GCSH: variants seen among roughly 807,000 people sequenced by gnomAD.
GCSH encodes glycine cleavage system protein H, also known as glycine cleavage system H protein, mitochondrial.
A neutral mutation model predicts 21.3 loss-of-function variants in GCSH; 15 were observed. The observed-to-expected ratio is 0.70, with a 90% CI of 0.47 to 1.08. The LOEUF (loss-of-function observed/expected upper bound fraction) is 1.08, where lower values mean the gene tolerates loss of function less well. Among genes scored for constraint, GCSH ranks in the 50% least tolerant of loss-of-function variants. The pLI, the probability that GCSH is intolerant of heterozygous loss-of-function variation, is 0.00. For missense variants in GCSH, 179 were observed against 217.5 expected, an observed-to-expected ratio of 0.82 and a Z score of 1.11; for synonymous variants, 59 against 84.5, an observed-to-expected ratio of 0.70 and a Z score of 1.66.
At chr16:81,092,967 A>C (rs1262649138) in intron 1 of GCSH, among the ~76,000 whole-genome samples, 48 of 152,008 alleles carry the variant, frequency 3.2e-4, no homozygotes. Flanking sequence ...CCAAGTCCCT[A>C]CTAAAAATAC....
intron 2 of GCSH, among the ~76,000 whole-genome samples, chr16:81,088,485 G>A (rs140808289): frequency 0.035 from 5,276 of 152,094 alleles, 236 homozygotes; most frequent in African/African-American, 0.11. Flanking sequence ...TGCAACCTCT[G>A]CCTCCCAGGT....
chr16:81,095,631 C>CTCGGCCTCCCAAAGT (rs1972489797), intron 1 of GCSH, among the ~76,000 whole-genome samples: 1 of 152,156 alleles, frequency 6.6e-6, no homozygotes, highest in Non-Finnish European at 1.5e-5. Context: ...ATCCGCCCTC[C>CTCGGCCTCCCAAAGT]GGCATGAGCC....
In GCSH at chr16:81,088,571, T is replaced by A. The variant is rs576747130; in HGVS notation, c.229-907A>T. ...CCACCACCATGCCTGGTTAATTTTT[T>A]AAAATTTTTTGCTAGAGATGCAGTT... On this transcript the variant is annotated intron_variant, in intron 2 of 4. Transcript: ENST00000315467. Among the ~76,000 whole-genome samples the A allele has an allele frequency of 5.3e-5, 8 of 152,276 alleles. No homozygotes were observed. The South Asian group carries it at 8.3e-4, about 16-fold the overall frequency.
intron 2 of GCSH, 33 bp downstream of exon 2, chr16:81,090,568 C>T (rs1972378022): frequency 7.3e-7 from 1 of 1,374,512 alleles, no homozygotes; most frequent in South Asian, 1.2e-5. Context: ...TGCAAGAGCA[C>T]ACTGGGACAA....
At chr16:81,085,207 G>C (rs908524741) in intron 3 of GCSH, among the ~76,000 whole-genome samples, 1 of 151,518 alleles carries the variant, frequency 6.6e-6, no homozygotes, top group Non-Finnish European at 1.5e-5. Context: ...TAGAGACAGC[G>C]TTTCACTGTG....
At chr16:81,084,152 G>A in intron 4 of GCSH, 1 of 465,530 alleles carries the variant, frequency 2.1e-6, no homozygotes, top group Non-Finnish European at 3.8e-6. Context: ...GCTAATTTTT[G>A]TATTTCTATA....
At chr16:81,092,825 T>C (rs2151773131) in intron 1 of GCSH, among the ~76,000 whole-genome samples, 1 of 151,008 alleles carries the variant, frequency 6.6e-6, no homozygotes, top group South Asian at 2.1e-4. Context: ...TATATATATT[T>C]TTCCCCTTAA....
At chr16:81,093,823 G>A (rs1030883501) in intron 1 of GCSH, among the ~76,000 whole-genome samples, 2 of 152,122 alleles carry the variant, frequency 1.3e-5, no homozygotes, top group African/African-American at 2.4e-5. Flanking sequence ...TAAGCATGCT[G>A]TTTAGGCTAA....
At chr16:81,092,875 C>T (rs9923328) in intron 1 of GCSH, among the ~76,000 whole-genome samples, 146,826 of 152,222 alleles carry the variant, frequency 0.96, 71,006 homozygotes, top group Middle Eastern at 1. Flanking sequence ...CTCATGCCTG[C>T]AATCCCAGCA....
intron 1 of GCSH, among the ~76,000 whole-genome samples, chr16:81,095,535 G>C (rs949803794): frequency 2.6e-5 from 4 of 151,728 alleles, no homozygotes; most frequent in African/African-American, 9.7e-5. Flanking sequence ...TGCGCATGCC[G>C]CCACGCCTGG....
Position 81,091,057 on chromosome 16 carries a change from T to C in GCSH, c.149-377A>G, listed in dbSNP as rs558476385. 4 of 451,654 alleles carry C rather than the reference T, an allele frequency of 8.9e-6. No homozygotes were observed. The East Asian group carries it at 2.7e-4, about 30-fold the overall frequency. The allele number at this position is 451,654 out of a possible 1,614,324, so 28.0% of individuals were successfully genotyped here. A position where few individuals can be genotyped will look rare whatever the true frequency, so the allele number is the denominator to read the frequency against. On this transcript the variant is annotated intron_variant, in intron 1 of 4. Coordinates refer to ENST00000315467, the MANE Select transcript of GCSH (RefSeq NM_004483.5). ...GCCTCTGAAGACAAATTTGGGGTGA[T>C]GAGGTTTAGGGAGGCAGCATAAAGA...
intron 4 of GCSH, chr16:81,083,537 T>C (rs1339008937): frequency 1.8e-4 from 29 of 159,696 alleles, no homozygotes; most frequent in Admixed American, 1.7e-3. Context: ...TAAAAATAAG[T>C]CCTTAAATAT....
intron 2 of GCSH, among the ~76,000 whole-genome samples, chr16:81,088,123 G>A (rs1207849706): frequency 6.6e-6 from 1 of 151,952 alleles, no homozygotes; most frequent in Non-Finnish European, 1.5e-5. Flanking sequence ...AAGACTCCAT[G>A]TCAAGAATAA....
At chr16:81,094,731 T>C (rs1027297617) in intron 1 of GCSH, among the ~76,000 whole-genome samples, 12 of 152,118 alleles carry the variant, frequency 7.9e-5, no homozygotes, top group African/African-American at 2.9e-4. Flanking sequence ...AATGAGCTAA[T>C]GAGACAAGAG....
intron 2 of GCSH, among the ~76,000 whole-genome samples, chr16:81,089,141 G>T (rs1972342207): frequency 6.6e-6 from 1 of 152,172 alleles, no homozygotes; most frequent in Non-Finnish European, 1.5e-5. Context: ...TGGCATTTTG[G>T]TCAACAACAG....
intron 1 of GCSH, 102 bp from the exon 2 acceptor site, chr16:81,090,782 T>A: frequency 1.2e-6 from 1 of 801,896 alleles, no homozygotes. Flanking sequence ...AATTTCTGTT[T>A]GACCTGTTGA....
At chr16:81,090,563 G>C in intron 2 of GCSH, 38 bp downstream of exon 2, 1 of 1,329,048 alleles carries the variant, frequency 7.5e-7, no homozygotes, top group South Asian at 1.2e-5. Context: ...AATCATGCAA[G>C]AGCACACTGG....
At chr16:81,089,766 A>C (rs8177879) in intron 2 of GCSH, among the ~76,000 whole-genome samples, 1 of 152,172 alleles carries the variant, frequency 6.6e-6, no homozygotes, top group African/African-American at 2.4e-5. Context: ...CAGTATCGCC[A>C]TATGGAATTG....
intron 1 of GCSH, among the ~76,000 whole-genome samples, chr16:81,092,713 A>T (rs1287123096): frequency 1.3e-5 from 2 of 152,028 alleles, no homozygotes; most frequent in African/African-American, 4.8e-5. Context: ...ACTGCACTCC[A>T]GCCTAAGCAA....
Sources: gnomAD v4.1 joint callset for allele counts (sites outside exome capture counted in the v4.1 genomes callset) on GRCh38, gnomAD v4.1.1 for gene constraint, MANE v1.5 for transcripts, NCBI Gene and HGNC (gene_info 2026-07-23, HGNC 2026-07-21) for gene names.